The following ACSL3 variants were observed in gnomAD, a reference collection of about 807,000 sequenced individuals.
ACSL3 encodes the protein fatty acid CoA ligase Acsl3.
A neutral mutation model predicts 84.7 loss-of-function variants in ACSL3; 34 were observed. The observed-to-expected ratio is 0.40, with a 90% CI of 0.31 to 0.53. The LOEUF is 0.53. Among genes scored for constraint, ACSL3 ranks in the 20% least tolerant of loss-of-function variants. ACSL3 has a pLI of 0.48. For missense variants in ACSL3, 680 were observed against 873.1 expected (o/e 0.78, Z 2.79); for synonymous variants, 315 against 299.4 (o/e 1.05, Z -0.54).
At chr2:222,871,968 C>T (rs892779126) in intron 1 of ACSL3, among the ~76,000 whole-genome samples, 6 of 151,952 alleles carry the variant, frequency 3.9e-5, no homozygotes, top group African/African-American at 1.5e-4. Flanking sequence ...CCACCCCCGA[C>T]TCCCTTGTTT....
intron 8 of ACSL3, among the ~76,000 whole-genome samples, chr2:222,921,648 C>T (rs1186718907): frequency 6.6e-6 from 1 of 152,048 alleles, no homozygotes; most frequent in Non-Finnish European, 1.5e-5. Context: ...TTAAAAAGTA[C>T]AGAACTTAAA....
chr2:222,871,124 T>A (rs1282837620), intron 1 of ACSL3, among the ~76,000 whole-genome samples: 1 of 152,058 alleles, frequency 6.6e-6, no homozygotes. Flanking sequence ...AGCAGAACCA[T>A]CGGGACTTGG....
Position 222,933,289 on chromosome 2 carries a change from G to A in ACSL3, c.1847+9G>A, listed in dbSNP as rs1252554403. The A allele has an allele frequency of 3.2e-6, 5 of 1,573,344 alleles. No individual in the cohort carries two copies. The Admixed American group carries it at 5.1e-5, about 16-fold the overall frequency. ...TGTGCATATGCAAACAGGTAAGAAC[G>A]TGGAATTCATACTACTTTTACTTAA... is the stretch of plus-strand genomic sequence containing the variant. On this transcript the variant is annotated intron_variant, in intron 15 of 16. Transcript: ENST00000357430.
rs141462096 is a variant in ACSL3, at chr2:222,934,572, G to A, written c.1890G>A (p.Lys630=). 1.2e-3 allele frequency: 1,969 copies of A among 1,588,138 alleles called. 25 individuals are homozygous for A. In the African/African-American group the frequency reaches 0.024, roughly 19 times the overall value. ...YVIGFVVPNQ[K]ELTELARKKG... is the part of the protein sequence containing the mutation. ...TTGGATTTGTTGTGCCAAATCAAAA[G>A]GAACTAACTGAACTAGCTCGAAAGA... The change falls in exon 16 of 17, where the codon AAG becomes AAA. Residue 630 remains lysine, a synonymous_variant. Coordinates refer to ENST00000357430, the MANE Select transcript of ACSL3 (RefSeq NM_004457.5).
At chr2:222,899,486 AAAAT>A (rs916118057) in intron 2 of ACSL3, among the ~76,000 whole-genome samples, 3 of 152,166 alleles carry the variant, frequency 2.0e-5, no homozygotes, top group Admixed American at 6.5e-5. Flanking sequence ...AAAGAATAAA[AAAAT>A]AAATAAATAA....
intron 4 of ACSL3, among the ~76,000 whole-genome samples, chr2:222,909,383 A>G (rs191213376): frequency 1.3e-5 from 2 of 152,160 alleles, no homozygotes; most frequent in African/African-American, 2.4e-5. Context: ...CCCAGTGTCT[A>G]CCAGGGTTTG....
intron 3 of ACSL3, among the ~76,000 whole-genome samples, chr2:222,905,799 G>A (rs1205450061): frequency 6.6e-6 from 1 of 152,062 alleles, no homozygotes; most frequent in Non-Finnish European, 1.5e-5. Flanking sequence ...GAGCAAATTT[G>A]GAGGTGTTCC....
chr2:222,919,097 A>G lies in ACSL3; in HGVS notation c.700A>G (p.Ile234Val), dbSNP rs1288572581. Reference protein sequence around the residue: ...IVSLVPRLRHIITVDGKPPTW... With the variant: ...IVSLVPRLRHVITVDGKPPTW... ...TTCTTTGGTCCCACGCCTGCGGCAC[A>G]TCATCACTGTTGATGGAAAGCCACC... The change falls in exon 7 of 17, where the codon ATC becomes GTC. Residue 234 changes from isoleucine to valine, a missense_variant. Physicochemically the swap from Ile to Val is conservative, Grantham distance 29. Around this residue, in one of 2 missense-constraint regions of ACSL3, gnomAD observed 333 missense variants for 347.5 expected, o/e 0.96. Coordinates refer to ENST00000357430, the MANE Select transcript of ACSL3 (RefSeq NM_004457.5). 1 of 1,614,150 alleles carries G rather than the reference A, an allele frequency of 6.2e-7. No individual in the cohort carries two copies. The highest frequency in any genetic ancestry group is 1.1e-5 in the South Asian group (1 of 91,086).
intron 1 of ACSL3, among the ~76,000 whole-genome samples, chr2:222,878,334 C>T (rs1402132139): frequency 6.6e-6 from 1 of 152,118 alleles, no homozygotes; most frequent in African/African-American, 2.4e-5. Context: ...GTAATATATG[C>T]TAATGTAATT....
chr2:222,871,775 C>T (rs371259962), intron 1 of ACSL3, among the ~76,000 whole-genome samples: 1 of 152,058 alleles, frequency 6.6e-6, no homozygotes, highest in African/African-American at 2.4e-5. Flanking sequence ...GAGAGCAGGT[C>T]TAGTGGGTGA....
chr2:222,915,475 A>G (rs2106123282), intron 4 of ACSL3, among the ~76,000 whole-genome samples: 1 of 152,330 alleles, frequency 6.6e-6, no homozygotes, highest in Middle Eastern at 3.4e-3. Flanking sequence ...TGACACAGCC[A>G]TGTTTGGGAA....
intron 1 of ACSL3, among the ~76,000 whole-genome samples, chr2:222,870,363 A>G (rs886544123): frequency 1.1e-4 from 17 of 152,202 alleles, no homozygotes; most frequent in Non-Finnish European, 2.4e-4. Flanking sequence ...TGACATCTCA[A>G]TAAGCAAGAT....
intron 11 of ACSL3, among the ~76,000 whole-genome samples, chr2:222,925,734 T>C (rs1256602172): frequency 6.6e-6 from 1 of 152,242 alleles, no homozygotes; most frequent in African/African-American, 2.4e-5. Context: ...TTAGGGAGTT[T>C]TAATTATTTT....
chr2:222,900,100 T>C (rs955473279), intron 2 of ACSL3, among the ~76,000 whole-genome samples: 2 of 152,220 alleles, frequency 1.3e-5, no homozygotes, highest in Non-Finnish European at 2.9e-5. Context: ...AAAGATTTTT[T>C]AGAGCCACCT....
chr2:222,908,847 T>C lies in ACSL3; in HGVS notation c.75T>C (p.Phe25=). The C allele has an allele frequency of 6.2e-7, 1 of 1,605,178 alleles. No individual in the cohort carries two copies. The highest frequency in any genetic ancestry group is 8.5e-7 in the Non-Finnish European group (1 of 1,174,480). ...CCATCAACCCTATTCTTTTATATTT[T>C]ATACATTTTCTAATATCACTTTATA... is the stretch of plus-strand genomic sequence containing the variant. ...KHTINPILLY[F]IHFLISLYTI... Residue 25 remains phenylalanine (F), a synonymous_variant, in exon 4 of 17, where the codon TTT becomes TTC. Coordinates refer to ENST00000357430, the MANE Select transcript of ACSL3 (RefSeq NM_004457.5).
rs1697363522 is a variant in ACSL3, at chr2:222,943,091, A to AC, written c.*1437_*1438insC. 5 of 100,566 alleles carry AC rather than the reference A, an allele frequency of 5.0e-5. No individual in the cohort carries two copies. Among genetic ancestry groups the AC allele is most frequent in the Non-Finnish European group, 6.6e-5 (4 of 61,002 alleles). The allele number at this position is 100,566 out of a possible 1,614,324, so 6.2% of individuals were successfully genotyped here. A position where few individuals can be genotyped will look rare whatever the true frequency, so the allele number is the denominator to read the frequency against. The stretch of plus-strand genomic sequence containing the variant: ...GGCATCAAAAGGCAAAAATCAAAAA[A>AC]AAAAAAAACAAAAACAAAAAAAAAG... On this transcript the variant is annotated 3_prime_UTR_variant, in exon 17 of 17. Coordinates refer to ENST00000357430, the MANE Select transcript of ACSL3 (RefSeq NM_004457.5).
At chr2:222,884,187 TA>T in intron 1 of ACSL3, among the ~76,000 whole-genome samples, 1 of 152,334 alleles carries the variant, frequency 6.6e-6, no homozygotes, top group Non-Finnish European at 1.5e-5. Flanking sequence ...TTTCCACAAA[TA>T]AATTCTCAAC....
chr2:222,879,822 G>A (rs757177052), intron 1 of ACSL3, among the ~76,000 whole-genome samples: 3 of 152,188 alleles, frequency 2.0e-5, no homozygotes, highest in Admixed American at 6.5e-5. Flanking sequence ...AACAGTCGTA[G>A]GCCAGGCAAT....
rs767122575 is a variant in ACSL3, at chr2:222,944,068, T to C, written c.*2414T>C. On this transcript the variant is annotated 3_prime_UTR_variant, in exon 17 of 17. Coordinates refer to ENST00000357430, the MANE Select transcript of ACSL3 (RefSeq NM_004457.5). ...CCACCTCCATTTATTTCCCCACTGCTCCTCCACTGACATCCTTCTTAGCAG... is the reference window on the plus strand; with the variant it reads ...CCACCTCCATTTATTTCCCCACTGCCCCTCCACTGACATCCTTCTTAGCAG... 1 of 152,086 alleles carries C rather than the reference T, an allele frequency of 6.6e-6. No homozygotes were observed. Among genetic ancestry groups the C allele is most frequent in the South Asian group, 2.1e-4 (1 of 4,828 alleles). The allele number at this position is 152,086 out of a possible 1,614,324, so 9.4% of individuals were successfully genotyped here.
Sources: gnomAD v4.1 joint callset for allele counts (sites outside exome capture counted in the v4.1 genomes callset) on GRCh38, gnomAD v4.1.1 for gene constraint, gnomAD v4.1.1 regional missense constraint, MANE v1.5 for transcripts, NCBI Gene and HGNC (gene_info 2026-07-23, HGNC 2026-07-21) for gene names.